FOCAD: variants seen among roughly 807,000 people sequenced by gnomAD.
The protein encoded by FOCAD is KIAA1797.
A neutral mutation model predicts 225.6 loss-of-function variants in FOCAD; 198 were observed. The ratio of observed to expected loss-of-function variants is 0.88; its 90% CI spans 0.78 to 0.99. The LOEUF (loss-of-function observed/expected upper bound fraction) is 0.99. Ranked by LOEUF, FOCAD falls within the 50% of genes least tolerant of loss-of-function variation. The pLI is 0.00. For missense variants in FOCAD, 2,713 were observed against 2,123.6 expected, an observed-to-expected ratio of 1.28 and a Z score of -5.46; for synonymous variants, 897 against 755.0, an observed-to-expected ratio of 1.19 and a Z score of -3.08.
chr9:20,706,738 G>A (rs937310419), intron 1 of FOCAD, among the ~76,000 whole-genome samples: 1 of 152,196 alleles, frequency 6.6e-6, no homozygotes, highest in Admixed American at 6.5e-5. Context: ...GGAAGTGCTA[G>A]ATATTGCAAC....
intron 1 of FOCAD, among the ~76,000 whole-genome samples, chr9:20,695,473 A>AT (rs1431508263): frequency 2.6e-5 from 4 of 152,002 alleles, no homozygotes; most frequent in African/African-American, 9.7e-5. Context: ...ACATGCTTTC[A>AT]TTTTTTCTTT....
In FOCAD at chr9:20,881,859, ATCCTCTTTTAGCT is replaced by A. The variant is rs1564107208; in HGVS notation, c.2318-10_2320del. On this transcript the variant is annotated splice_acceptor_variant and splice_polypyrimidine_tract_variant and coding_sequence_variant and intron_variant, in exon 20 of 44. Transcript: ENST00000338382. LOFTEE classifies it high-confidence loss of function. ...TTTACTCTACTTTTGGTCTCCTTTT[ATCCTCTTTTAGCT>A]TTGGAGGAATTTTTTACATCACTTG... The A allele has an allele frequency of 6.2e-7, 1 of 1,610,590 alleles. No individual in the cohort carries two copies. Among genetic ancestry groups the A allele is most frequent in the Non-Finnish European group, 8.5e-7 (1 of 1,179,020 alleles).
chr9:20,891,676 G>C (rs1587523805), intron 21 of FOCAD, among the ~76,000 whole-genome samples: 1 of 152,178 alleles, frequency 6.6e-6, no homozygotes, highest in African/African-American at 2.4e-5. Flanking sequence ...AGGTAGCAGA[G>C]GTTGGTTCCT....
chr9:20,675,133 T>C (rs1014896330), intron 2 of FOCAD, among the ~76,000 whole-genome samples: 2 of 152,192 alleles, frequency 1.3e-5, no homozygotes, highest in African/African-American at 4.8e-5. Flanking sequence ...AGGCCAGCCC[T>C]GAACCACATG....
Position 20,976,498 on chromosome 9 carries a change from C to T in FOCAD, c.4211C>T (p.Pro1404Leu), listed in dbSNP as rs1840245285. 6.2e-7 allele frequency: 1 copy of T among 1,613,204 alleles called. No homozygotes were observed. The highest frequency in any genetic ancestry group is 1.7e-5 in the Admixed American group (1 of 59,968). Reference protein sequence around the residue: ...IATVGESYQYPPVNWAALLSP... With the variant: ...IATVGESYQYLPVNWAALLSP... ...ACTGTTGGAGAAAGCTACCAATATC[C>T]TCCTGTGAACTGGGCTGCACTTCTC... The change falls in exon 36 of 44, where the codon CCT becomes CTT. Residue 1404 changes from proline to leucine, a missense_variant. Physicochemically the swap from Pro to Leu is moderately conservative, Grantham distance 98. Coordinates refer to ENST00000338382, the MANE Select transcript of FOCAD (RefSeq NM_001375567.1).
intron 2 of FOCAD, 84 bp from the exon 3 acceptor site, chr9:20,717,710 G>T: frequency 9.5e-7 from 1 of 1,047,600 alleles, no homozygotes; most frequent in Non-Finnish European, 1.4e-6. Flanking sequence ...CTAATTGACT[G>T]CCTGGCATAC....
At position 20,939,451 on chromosome 9, in the gene FOCAD, A is replaced by T. The variant is rs879658671; in HGVS notation, c.3408-5176A>T. On this transcript the variant is annotated intron_variant, in intron 28 of 43. Transcript: ENST00000338382. Reference sequence around the variant, plus strand: ...TAAAGTTGGGAAAAAATGTGAGATTAAGATGCCGCCAACTTTAGCCAGTGG... The same window carrying T: ...TAAAGTTGGGAAAAAATGTGAGATTTAGATGCCGCCAACTTTAGCCAGTGG... 2.0e-5 allele frequency among the ~76,000 whole-genome samples: 3 copies of T among 152,120 alleles called. No homozygotes were observed. In the South Asian group the frequency reaches 6.2e-4, roughly 31 times the overall value.
chr9:20,986,266 A>ATTGTTTTTTTTTTTTTTT, intron 39 of FOCAD, 22 bp from the exon 40 acceptor site: 1 of 705,686 alleles, frequency 1.4e-6, no homozygotes, highest in Non-Finnish European at 1.8e-6. Context: ...TAACTAAACA[A>ATTGTTTTTTTTTTTTTTT]TTTTTTTTTT....
chr9:20,939,252 TAGG>T, intron 28 of FOCAD, among the ~76,000 whole-genome samples: 1 of 147,320 alleles, frequency 6.8e-6, no homozygotes, highest in East Asian at 2.0e-4. Flanking sequence ...ATGAGAAAAA[TAGG>T]GAAATTTAGC....
At chr9:20,766,578 TA>T (rs34766901) in intron 7 of FOCAD, among the ~76,000 whole-genome samples, 5 of 152,168 alleles carry the variant, frequency 3.3e-5, no homozygotes, top group Non-Finnish European at 5.9e-5. Context: ...AATAAGCTTT[TA>T]AAAAAACCCC....
chr9:20,935,116 AC>A (rs1835833779), intron 28 of FOCAD, among the ~76,000 whole-genome samples: 1 of 152,210 alleles, frequency 6.6e-6, no homozygotes, highest in Non-Finnish European at 1.5e-5. Flanking sequence ...ACTAGATAAA[AC>A]AATCTTAAAA....
At chr9:20,949,545 A>G (rs1363401815) in intron 32 of FOCAD, 59 bp from the exon 33 acceptor site, 1 of 1,301,800 alleles carries the variant, frequency 7.7e-7, no homozygotes, top group Non-Finnish European at 1.1e-6. Flanking sequence ...CACCGGGAAT[A>G]TAACTCTTAA....
intron 6 of FOCAD, among the ~76,000 whole-genome samples, chr9:20,764,253 G>A (rs1226498414): frequency 6.6e-6 from 1 of 152,066 alleles, no homozygotes; most frequent in Non-Finnish European, 1.5e-5. Context: ...TAGAAAGGTT[G>A]TCAGGTGATC....
At chr9:20,947,052 A>G (rs1216083344) in intron 30 of FOCAD, among the ~76,000 whole-genome samples, 1 of 152,038 alleles carries the variant, frequency 6.6e-6, no homozygotes, top group Non-Finnish European at 1.5e-5. Context: ...GAGAGTATTG[A>G]TATGCTTTTC....
chr9:20,911,929 T>C (rs1223664700), intron 22 of FOCAD, among the ~76,000 whole-genome samples: 1 of 152,116 alleles, frequency 6.6e-6, no homozygotes, highest in East Asian at 1.9e-4. Flanking sequence ...TAAGAAGATA[T>C]GAAAAGATCC....
rs13285376 is a variant in FOCAD, at chr9:20,728,616, C to G, written c.287+8082C>G. On this transcript the variant is annotated intron_variant, in intron 4 of 43. Coordinates refer to ENST00000338382, the MANE Select transcript of FOCAD (RefSeq NM_001375567.1). ...AAATTGTGGCACCTTTTTGCATTGT[C>G]TCTTGCTACTGTGCTTGTGGCTTAG... is the stretch of plus-strand genomic sequence containing the variant. Among the ~76,000 whole-genome samples the G allele has an allele frequency of 5.0e-3, 764 of 152,272 alleles. 3 individuals are homozygous for G. The highest frequency in any genetic ancestry group is 9.1e-3 in the Non-Finnish European group (621 of 68,022).
intron 35 of FOCAD, among the ~76,000 whole-genome samples, chr9:20,964,865 G>T (rs372740292): frequency 6.6e-6 from 1 of 152,092 alleles, no homozygotes; most frequent in Non-Finnish European, 1.5e-5. Flanking sequence ...TTGTTGGAGG[G>T]GAGAGAAGCA....
chr9:20,951,097 T>C lies in FOCAD; in HGVS notation c.4050T>C (p.Ser1350=), dbSNP rs915316217. 1 of 1,611,218 alleles carries C rather than the reference T, an allele frequency of 6.2e-7. No individual in the cohort carries two copies. Among genetic ancestry groups the C allele is most frequent in the African/African-American group, 1.3e-5 (1 of 74,842 alleles). The change falls in exon 34 of 44, where the codon TCT becomes TCC. Residue 1350 remains serine (S), a splice_region_variant and synonymous_variant. Coordinates refer to ENST00000338382, the MANE Select transcript of FOCAD (RefSeq NM_001375567.1). ...STLSSSQSRA[S]VPTDYSYLPE... ...TATCCTCAAGTCAAAGTAGAGCCTC[T>C]GGTAAGATTAAAGTCATAAAATACT...
rs777353734 is a variant in FOCAD at position 20,993,256 on chromosome 9, A to C, written c.5260A>C (p.Ile1754Leu). 1.2e-5 allele frequency: 19 copies of C among 1,613,504 alleles called. No homozygotes were observed. The highest frequency in any genetic ancestry group is 3.3e-4 in the Middle Eastern group (2 of 6,054). The change falls in exon 43 of 44, where the codon ATT (isoleucine) becomes CTT (leucine). Residue 1754 changes from isoleucine to leucine, a missense_variant. Ile to Leu is a conservative substitution (Grantham distance 5, BLOSUM62 2). Transcript: ENST00000338382. Reference protein sequence around the residue: ...EPWKEQTQKFIDWLFSIMESP... With the variant: ...EPWKEQTQKFLDWLFSIMESP... ...CTATTTTTCATTTTTACCCTAGTTC[A>C]TTGACTGGCTATTCAGCATCATGGA...
Sources: gnomAD v4.1 joint callset for allele counts (sites outside exome capture counted in the v4.1 genomes callset) on GRCh38, gnomAD v4.1.1 for gene constraint, MANE v1.5 for transcripts, NCBI Gene and HGNC (gene_info 2026-07-23, HGNC 2026-07-21) for gene names.